The following LYPLAL1 variants were observed in gnomAD, a reference collection of about 807,000 sequenced individuals.
The protein encoded by LYPLAL1 is lysophospholipase-like protein 1.
Under a neutral mutation model 19.7 loss-of-function variants are expected in LYPLAL1, and 23 were observed. The ratio of observed to expected loss-of-function variants is 1.17; its 90% CI spans 0.84 to 1.65. The LOEUF is 1.65. LYPLAL1 is among the 40% of genes most tolerant of loss of function. The pLI, the probability that LYPLAL1 is intolerant of heterozygous loss-of-function variation, is 0.00. For missense variants in LYPLAL1, 355 were observed against 279.4 expected (o/e 1.27, Z -1.93); for synonymous variants, 119 against 96.3 (o/e 1.24, Z -1.38).
chr1:219,306,142 G>C, the LYPLAL1 span, among the ~76,000 whole-genome samples: 1 of 152,180 alleles, frequency 6.6e-6, no homozygotes, highest in Non-Finnish European at 1.5e-5. Flanking sequence ...ATCTTCTTGA[G>C]TGTAGACTTT....
intron 3 of LYPLAL1, chr1:219,198,888 T>C (rs1180947972): frequency 6.6e-6 from 1 of 152,190 alleles, no homozygotes; most frequent in African/African-American, 2.4e-5. Flanking sequence ...ACTTGAGCTT[T>C]TCATCAAATA....
chr1:219,270,798 G>A, the LYPLAL1 span: 2 of 152,148 alleles, frequency 1.3e-5, no homozygotes, highest in African/African-American at 4.8e-5. Flanking sequence ...TGTTAAAAAG[G>A]AAATTCACTG....
intron 2 of LYPLAL1, among the ~76,000 whole-genome samples, chr1:219,180,646 A>G (rs1055899670): frequency 2.0e-5 from 3 of 152,238 alleles, no homozygotes; most frequent in South Asian, 2.1e-4. Context: ...GAAGGAAGAA[A>G]CATAGTGGTA....
At chr1:219,382,360 GTTGT>G in the LYPLAL1 span, among the ~76,000 whole-genome samples, 1 of 151,512 alleles carries the variant, frequency 6.6e-6, no homozygotes, top group African/African-American at 2.4e-5. Context: ...CACTTTTTTT[GTTGT>G]TTGTTTGTTT....
At chr1:219,386,106 G>C in the LYPLAL1 span, among the ~76,000 whole-genome samples, 1 of 152,166 alleles carries the variant, frequency 6.6e-6, no homozygotes, top group African/African-American at 2.4e-5. Context: ...GGCAACAGAG[G>C]GGAGACGGCA....
At chr1:219,300,778 G>A in the LYPLAL1 span, among the ~76,000 whole-genome samples, 2,076 of 151,894 alleles carry the variant, frequency 0.014, 24 homozygotes, top group Middle Eastern at 0.024. Context: ...CTCGGGATCC[G>A]CCTGTCTCGG....
At chr1:219,307,982 G>A in the LYPLAL1 span, among the ~76,000 whole-genome samples, 5 of 152,194 alleles carry the variant, frequency 3.3e-5, no homozygotes, top group South Asian at 1.0e-3. Flanking sequence ...AGGAAAATGT[G>A]AGAAAGTTTG....
the LYPLAL1 span, among the ~76,000 whole-genome samples, chr1:219,269,324 G>A: frequency 1.2e-3 from 179 of 152,292 alleles, no homozygotes; most frequent in Non-Finnish European, 2.2e-3. Flanking sequence ...AAATGCTTCA[G>A]AGCAACAGCA....
chr1:219,444,638 A>G, the LYPLAL1 span, among the ~76,000 whole-genome samples: 1 of 152,222 alleles, frequency 6.6e-6, no homozygotes, highest in African/African-American at 2.4e-5. Flanking sequence ...CTGACGTCTT[A>G]CCAGTCAAAG....
At chr1:219,277,165 C>T in the LYPLAL1 span, among the ~76,000 whole-genome samples, 1 of 152,050 alleles carries the variant, frequency 6.6e-6, no homozygotes, top group Non-Finnish European at 1.5e-5. Context: ...ACAATCACAG[C>T]GTAGAATTTA....
At chr1:219,226,792 C>A in the LYPLAL1 span, among the ~76,000 whole-genome samples, 51 of 152,210 alleles carry the variant, frequency 3.4e-4, no homozygotes, top group African/African-American at 5.1e-4. Flanking sequence ...AGTTAATTTT[C>A]AAGCAACTGT....
At chr1:219,243,401 T>C in the LYPLAL1 span, among the ~76,000 whole-genome samples, 1 of 152,116 alleles carries the variant, frequency 6.6e-6, no homozygotes. Context: ...TCCTATGCTT[T>C]GGCCTTACTA....
rs1227616657 is a variant in LYPLAL1 at position 219,205,396 on chromosome 1, CTCAGTAAGTATGTGT to C, written c.362-5132_362-5118del. Among the ~76,000 whole-genome samples, 5 of 150,628 alleles carry C rather than the reference CTCAGTAAGTATGTGT, an allele frequency of 3.3e-5. No individual in the cohort carries two copies. In the East Asian group the frequency reaches 5.8e-4, roughly 18 times the overall value. ...AAAAAAAACAAAAAAAACAAAAGCA[CTCAGTAAGTATGTGT>C]TCAATTAAAAATAATTATAAAATTT... On this transcript the variant is annotated intron_variant, in intron 3 of 4. Coordinates refer to ENST00000366928, the MANE Select transcript of LYPLAL1 (RefSeq NM_138794.5).
At chr1:219,260,944 C>T in the LYPLAL1 span, among the ~76,000 whole-genome samples, 2 of 151,618 alleles carry the variant, frequency 1.3e-5, no homozygotes, top group Admixed American at 6.6e-5. Context: ...GATTTCAAGC[C>T]GTTTATACTT....
chr1:219,333,414 C>T, the LYPLAL1 span, among the ~76,000 whole-genome samples: 2 of 151,944 alleles, frequency 1.3e-5, no homozygotes, highest in African/African-American at 2.4e-5. Context: ...CTTGTACAGT[C>T]ATACATGGCA....
chr1:219,243,385 T>A, the LYPLAL1 span, among the ~76,000 whole-genome samples: 2 of 152,132 alleles, frequency 1.3e-5, no homozygotes, highest in Admixed American at 6.6e-5. Flanking sequence ...GATTAGAAGC[T>A]TTGAGTCCTA....
intron 3 of LYPLAL1, among the ~76,000 whole-genome samples, chr1:219,207,145 C>G (rs1658639987): frequency 1.3e-5 from 2 of 152,012 alleles, no homozygotes; most frequent in Admixed American, 1.3e-4. Flanking sequence ...AATTCAGGCT[C>G]TTGAATTTCT....
At chr1:219,249,807 T>A in the LYPLAL1 span, among the ~76,000 whole-genome samples, 1 of 152,014 alleles carries the variant, frequency 6.6e-6, no homozygotes, top group Non-Finnish European at 1.5e-5. Context: ...GAACACTTAT[T>A]TGCGTGTTGA....
chr1:219,319,657 G>T, the LYPLAL1 span, among the ~76,000 whole-genome samples: 1 of 152,184 alleles, frequency 6.6e-6, no homozygotes, highest in Non-Finnish European at 1.5e-5. Context: ...GCATCACAGA[G>T]CAGAGCACAG....
Sources: gnomAD v4.1 joint callset for allele counts (sites outside exome capture counted in the v4.1 genomes callset) on GRCh38, gnomAD v4.1.1 for gene constraint, MANE v1.5 for transcripts, NCBI Gene and HGNC (gene_info 2026-07-23, HGNC 2026-07-21) for gene names.